The following DCC variants were observed in gnomAD, a reference collection of about 807,000 sequenced individuals.
The protein encoded by DCC is netrin receptor DCC.
In DCC, 58 loss-of-function variants were observed where a neutral mutation model predicts 172.5. The observed-to-expected ratio is 0.34, with a 90% CI of 0.27 to 0.42. DCC has a LOEUF of 0.42. Among genes scored for constraint, DCC ranks in the 10% least tolerant of loss-of-function variants. The pLI is 1.00. For synonymous variants in DCC, 709 were observed against 644.5 expected (o/e 1.10, Z -1.52); for missense variants, 1,740 against 1,791.0 (o/e 0.97, Z 0.51).
At chr18:52,815,322 A>AG (rs2038272922) in intron 2 of DCC, among the ~76,000 whole-genome samples, 1 of 152,104 alleles carries the variant, frequency 6.6e-6, no homozygotes, top group Non-Finnish European at 1.5e-5. Context: ...TGAGGTCATA[A>AG]GAGTGGGTCC....
At chr18:52,604,253 C>T (rs1312740279) in intron 1 of DCC, among the ~76,000 whole-genome samples, 4 of 152,096 alleles carry the variant, frequency 2.6e-5, no homozygotes, top group Non-Finnish European at 5.9e-5. Context: ...TCCTTATCAA[C>T]TTCATTACCC....
intron 1 of DCC, among the ~76,000 whole-genome samples, chr18:52,416,390 C>A (rs1238185): frequency 2.0e-5 from 3 of 151,750 alleles, no homozygotes; most frequent in African/African-American, 7.3e-5. Flanking sequence ...CTATTAGGTC[C>A]GCTTGGTGCA....
chr18:53,150,303 C>T (rs150451586), intron 7 of DCC, among the ~76,000 whole-genome samples: 269 of 152,324 alleles, frequency 1.8e-3, no homozygotes, highest in African/African-American at 5.9e-3. Flanking sequence ...TGCATATTCT[C>T]AAGCAACCAC....
intron 1 of DCC, among the ~76,000 whole-genome samples, chr18:52,539,165 T>C (rs575368837): frequency 6.6e-6 from 1 of 152,314 alleles, no homozygotes; most frequent in South Asian, 2.1e-4. Flanking sequence ...ATTCAAGATT[T>C]TGTGGGGCTT....
intron 2 of DCC, among the ~76,000 whole-genome samples, chr18:52,903,066 G>A (rs1179404751): frequency 1.3e-5 from 2 of 152,114 alleles, no homozygotes; most frequent in African/African-American, 2.4e-5. Context: ...AGTAGATGAA[G>A]TTTACATAGG....
intron 27 of DCC, among the ~76,000 whole-genome samples, chr18:53,526,187 G>C (rs540401445): frequency 6.6e-6 from 1 of 152,246 alleles, no homozygotes; most frequent in East Asian, 1.9e-4. Context: ...TTGTAGACCA[G>C]AGCAACCATC....
At chr18:52,995,641 G>A (rs2041466004) in intron 5 of DCC, among the ~76,000 whole-genome samples, 1 of 152,140 alleles carries the variant, frequency 6.6e-6, no homozygotes, top group Admixed American at 6.6e-5. Flanking sequence ...TCTCAAGGCT[G>A]TAGCCCTAGA....
intron 1 of DCC, among the ~76,000 whole-genome samples, chr18:52,529,322 G>A (rs978108772): frequency 2.6e-5 from 4 of 152,066 alleles, no homozygotes; most frequent in African/African-American, 9.7e-5. Flanking sequence ...ACGGAGTCTC[G>A]CTCTGTCACC....
chr18:52,623,660 A>G (rs1598965125), intron 1 of DCC, among the ~76,000 whole-genome samples: 1 of 152,080 alleles, frequency 6.6e-6, no homozygotes, highest in South Asian at 2.1e-4. Flanking sequence ...ATTTTCCACA[A>G]TTTTCTAAAC....
At chr18:52,686,870 A>G (rs1447584164) in intron 1 of DCC, among the ~76,000 whole-genome samples, 3 of 151,890 alleles carry the variant, frequency 2.0e-5, no homozygotes, top group African/African-American at 4.8e-5. Flanking sequence ...CTTCTCTACA[A>G]TTTCCCCTTG....
chr18:53,017,565 T>C (rs1300600420), intron 5 of DCC, among the ~76,000 whole-genome samples: 1 of 152,210 alleles, frequency 6.6e-6, no homozygotes, highest in Non-Finnish European at 1.5e-5. Context: ...GGGTACAGGA[T>C]GCAGTCTTAA....
chr18:52,474,544 AT>A (rs1989041072), intron 1 of DCC, among the ~76,000 whole-genome samples: 3 of 152,174 alleles, frequency 2.0e-5, no homozygotes, highest in Admixed American at 1.3e-4. Context: ...CTGCCTGGTG[AT>A]GAAAGCAGAA....
In DCC at chr18:52,410,332, G is replaced by A. The variant is rs140096680; in HGVS notation, c.91+69454G>A. ...CTATAGCACCAGCTACTTTGGAGGC[G>A]GAGGCAACAAGAGGCCTTGAGCCCA... On this transcript the variant is annotated intron_variant, in intron 1 of 28. Coordinates refer to ENST00000442544, the MANE Select transcript of DCC (RefSeq NM_005215.4). Among the ~76,000 whole-genome samples the A allele has an allele frequency of 1.3e-4, 20 of 152,196 alleles. No individual in the cohort carries two copies. In the East Asian group the frequency reaches 2.7e-3, roughly 21 times the overall value.
At chr18:53,405,623 A>G (rs932598716) in intron 19 of DCC, among the ~76,000 whole-genome samples, 40 of 152,310 alleles carry the variant, frequency 2.6e-4, no homozygotes, top group Admixed American at 2.1e-3. Context: ...TTAAACAAAA[A>G]AGGAGGAAAT....
intron 7 of DCC, among the ~76,000 whole-genome samples, chr18:53,112,947 T>C (rs2043354672): frequency 6.6e-6 from 1 of 151,334 alleles, no homozygotes; most frequent in Non-Finnish European, 1.5e-5. Flanking sequence ...TGACTTACAT[T>C]TTGAAAATTC....
intron 2 of DCC, among the ~76,000 whole-genome samples, chr18:52,862,960 A>G (rs1185936846): frequency 1.3e-5 from 2 of 152,152 alleles, no homozygotes; most frequent in African/African-American, 2.4e-5. Context: ...CTACCTTTCC[A>G]TCAGTATATT....
At chr18:52,872,627 C>T (rs2039340105) in intron 2 of DCC, among the ~76,000 whole-genome samples, 1 of 152,172 alleles carries the variant, frequency 6.6e-6, no homozygotes, top group Non-Finnish European at 1.5e-5. Flanking sequence ...TGTTATTTTG[C>T]ATGGTCTGTG....
intron 1 of DCC, among the ~76,000 whole-genome samples, chr18:52,399,784 A>T (rs948554763): frequency 6.6e-5 from 10 of 151,992 alleles, no homozygotes; most frequent in African/African-American, 2.4e-4. Context: ...TGTTACGTTC[A>T]TTGGACTGTA....
rs1410022829 is a variant in DCC at position 52,865,540 on chromosome 18, C to T, written c.413-40504C>T. The stretch of plus-strand genomic sequence containing the variant: ...TTTTAATGATCGCCATTCTAACTGG[C>T]ATGAGATGGTATCTCATTGTGGTTT... On this transcript the variant is annotated intron_variant, in intron 2 of 28. Coordinates refer to ENST00000442544, the MANE Select transcript of DCC (RefSeq NM_005215.4). Among the ~76,000 whole-genome samples, 4 of 151,810 alleles carry T rather than the reference C, an allele frequency of 2.6e-5. No homozygotes were observed. In the East Asian group the frequency reaches 5.8e-4, roughly 22 times the overall value.
Sources: gnomAD v4.1 joint callset for allele counts (sites outside exome capture counted in the v4.1 genomes callset) on GRCh38, gnomAD v4.1.1 for gene constraint, MANE v1.5 for transcripts, NCBI Gene and HGNC (gene_info 2026-07-23, HGNC 2026-07-21) for gene names.